PPP2R3B: variants seen among roughly 807,000 people sequenced by gnomAD.
PPP2R3B encodes the protein serine/threonine-protein phosphatase 2A regulatory subunit B'' subunit beta.
In PPP2R3B, 68 loss-of-function variants were observed where a neutral mutation model predicts 72.9. The observed-to-expected ratio is 0.93, with a 90% CI of 0.77 to 1.14. The LOEUF is 1.14. Ranked by LOEUF, PPP2R3B falls within the 50% of genes most tolerant of loss-of-function variation. PPP2R3B has a pLI of 0.00. For missense variants in PPP2R3B, 1,018 were observed against 842.0 expected (o/e 1.21, Z -2.59); for synonymous variants, 466 against 375.8 (o/e 1.24, Z -2.78).
intron 2 of PPP2R3B, among the ~76,000 whole-genome samples, chrX:352,274 C>T (rs1357624022): frequency 2.0e-5 from 3 of 152,340 alleles, no homozygotes; most frequent in East Asian, 1.9e-4. Flanking sequence ...ACAGAAAGAC[C>T]GACTCCTTGT....
chrX:361,268 C>G, intron 2 of PPP2R3B, 137 bp downstream of exon 2: 1 of 954,572 alleles, frequency 1.0e-6, no homozygotes, highest in Admixed American at 2.4e-5. Flanking sequence ...CTCCCGCACA[C>G]GTGTGAAACG....
At chrX:346,104 A>AGG (rs2071203934) in intron 6 of PPP2R3B, 70 bp downstream of exon 6, 43 of 866,670 alleles carry the variant, frequency 5.0e-5, no homozygotes, top group East Asian at 1.6e-4. Context: ...GGGAGGAGGG[A>AGG]AGGGAAGGGA....
intron 6 of PPP2R3B, 80 bp downstream of exon 6, chrX:346,094 G>A: frequency 9.4e-6 from 6 of 635,494 alleles, no homozygotes; most frequent in African/African-American, 4.6e-5. Context: ...GGAGGGAGGG[G>A]GGAGGAGGGA....
intron 8 of PPP2R3B, 102 bp from the exon 9 acceptor site, chrX:341,498 G>C (rs1458301072): frequency 2.4e-5 from 23 of 975,560 alleles, no homozygotes; most frequent in Non-Finnish European, 3.1e-6. Flanking sequence ...AGCCCCCCGG[G>C]CCCGGCCCTC....
chrX:346,431 G>C (rs1228996276), intron 5 of PPP2R3B, 171 bp from the exon 6 acceptor site: 6 of 675,562 alleles, frequency 8.9e-6, no homozygotes, highest in Non-Finnish European at 1.4e-5. Context: ...GCCCCAGGCC[G>C]CGGAAAGCGG....
At chrX:383,786 C>T (rs1438625610) in intron 1 of PPP2R3B, among the ~76,000 whole-genome samples, 3 of 128,460 alleles carry the variant, frequency 2.3e-5, no homozygotes, top group African/African-American at 8.6e-5. Flanking sequence ...TGCAGTGAGC[C>T]GAGATCGCGC....
intron 1 of PPP2R3B, among the ~76,000 whole-genome samples, chrX:368,301 G>C (rs1383216575): frequency 6.2e-5 from 8 of 129,868 alleles, no homozygotes; most frequent in African/African-American, 1.5e-4. Context: ...GGCACCGACG[G>C]GGGGAAGGCC....
chrX:347,060 A>G (rs1439491563), intron 4 of PPP2R3B, among the ~76,000 whole-genome samples, 174 bp downstream of exon 4: 1 of 142,586 alleles, frequency 7.0e-6, no homozygotes, highest in Non-Finnish European at 1.5e-5. Flanking sequence ...CCCATGAGGG[A>G]TGAGGCATGT....
rs2071138766 is a variant in PPP2R3B, at chrX:344,089, C to CGCCAACGGGAGGCGGGAGGGAGACG, written c.1036+1426_1036+1427insCGTCTCCCTCCCGCCTCCCGTTGGC. Among the ~76,000 whole-genome samples, 2 of 23,870 alleles carry CGCCAACGGGAGGCGGGAGGGAGACG rather than the reference C, an allele frequency of 8.4e-5. 1 individual carries two copies. Among genetic ancestry groups the CGCCAACGGGAGGCGGGAGGGAGACG allele is most frequent in the African/African-American group, 3.9e-4 (2 of 5,068 alleles). 15.7% of individuals were successfully genotyped at this position (23,870 alleles called of 152,430 possible). Reference sequence around the variant, plus strand: ...CGCCAACGGGAGGCGGGAGGGAGACCTCACCAACGGGAGGCGGGAGTGAGA... The same window carrying CGCCAACGGGAGGCGGGAGGGAGACG: ...CGCCAACGGGAGGCGGGAGGGAGACCGCCAACGGGAGGCGGGAGGGAGACGTCACCAACGGGAGGCGGGAGTGAGA... On this transcript the variant is annotated intron_variant, in intron 7 of 12. Coordinates refer to ENST00000390665, the MANE Select transcript of PPP2R3B (RefSeq NM_013239.5).
chrX:354,198 C>T (rs2071394484), intron 2 of PPP2R3B, among the ~76,000 whole-genome samples: 1 of 147,368 alleles, frequency 6.8e-6, no homozygotes, highest in Non-Finnish European at 1.5e-5. Context: ...ACCGGGGGCT[C>T]ACCCAGGGAC....
chrX:345,916 C>T (rs2071195133), intron 6 of PPP2R3B, among the ~76,000 whole-genome samples: 1 of 146,148 alleles, frequency 6.8e-6, no homozygotes, highest in Admixed American at 6.7e-5. Context: ...AGTCAGGGCT[C>T]GGCTCCCCCT....
intron 9 of PPP2R3B, 71 bp from the exon 10 acceptor site, chrX:341,011 A>AGCCCCTGGGGCT: frequency 6.4e-7 from 1 of 1,558,724 alleles, no homozygotes; most frequent in Non-Finnish European, 8.7e-7. Context: ...CCCCTGAGGC[A>AGCCCCTGGGGCT]GCCCCCACCG....
At chrX:339,274 G>GGGT (rs1556105619) in intron 10 of PPP2R3B, among the ~76,000 whole-genome samples, 5 of 150,164 alleles carry the variant, frequency 3.3e-5, no homozygotes, top group Non-Finnish European at 5.9e-5. Context: ...CCCATGGCCG[G>GGGT]GGGGGGCAGG....
At chrX:360,920 G>A (rs966863996) in intron 2 of PPP2R3B, among the ~76,000 whole-genome samples, 21 of 152,180 alleles carry the variant, frequency 1.4e-4, no homozygotes, top group African/African-American at 4.1e-4. Flanking sequence ...TGCACGCCGC[G>A]CCGCAGCACT....
rs757517657 is a variant in PPP2R3B, at chrX:340,659, G to A, written c.1351+106C>T. The A allele has an allele frequency of 9.0e-6, 9 of 1,004,302 alleles. 1 individual carries two copies. Among genetic ancestry groups the A allele is most frequent in the Admixed American group, 2.6e-5 (1 of 39,008 alleles). 62.2% of individuals were successfully genotyped at this position (1,004,302 alleles called of 1,614,324 possible). On this transcript the variant is annotated intron_variant, in intron 10 of 12. Coordinates refer to ENST00000390665, the MANE Select transcript of PPP2R3B (RefSeq NM_013239.5). The stretch of plus-strand genomic sequence containing the variant: ...GTCCCCTCTCCCTGGGCTGTCATCC[G>A]TCCCCTCTCCCTGGGCCGTCCTCTC...
rs1569397711 is a variant in PPP2R3B at position 356,822 on chromosome X, CGGGAGCCCCACG to C, written c.510+4571_510+4582del. 4.9e-3 allele frequency among the ~76,000 whole-genome samples: 391 copies of C among 79,852 alleles called. 1 individual carries two copies. The highest frequency in any genetic ancestry group is 0.011 in the East Asian group (23 of 2,002). The allele number at this position is 79,852 out of a possible 152,430, so 52.4% of individuals were successfully genotyped here. A position where few individuals can be genotyped will look rare whatever the true frequency, so the allele number is the denominator to read the frequency against. On this transcript the variant is annotated intron_variant, in intron 2 of 12. Transcript: ENST00000390665. ...AGTATCCACACCCTGGCCAGCCACA[CGGGAGCCCCACG>C]GTAACCACGCCTTGGCCAGCCACAC...
At chrX:366,978 A>G (rs1166700454) in intron 1 of PPP2R3B, among the ~76,000 whole-genome samples, 1 of 151,894 alleles carries the variant, frequency 6.6e-6, no homozygotes, top group Non-Finnish European at 1.5e-5. Flanking sequence ...CGGTGAGCTG[A>G]GGTCGCACCA....
rs1263094278 is a variant in PPP2R3B at position 334,156 on chromosome X, C to G, written c.*211G>C. ...TGTCCGTGTGGGAACCCGTCCCATT[C>G]ACGCGCGGCCCTACGTGTCCCCCTG... On this transcript the variant is annotated 3_prime_UTR_variant, in exon 13 of 13. Transcript: ENST00000390665. The G allele has an allele frequency of 8.4e-6, 4 of 478,164 alleles. No homozygotes were observed. The highest frequency in any genetic ancestry group is 1.4e-5 in the Non-Finnish European group (4 of 288,626). The allele number at this position is 478,164 out of a possible 1,614,324, so 29.6% of individuals were successfully genotyped here. A position where few individuals can be genotyped will look rare whatever the true frequency, so the allele number is the denominator to read the frequency against.
rs111597372 is a variant in PPP2R3B at position 367,675 on chromosome X, G to A, written c.325-6085C>T. On this transcript the variant is annotated intron_variant, in intron 1 of 12. Coordinates refer to ENST00000390665, the MANE Select transcript of PPP2R3B (RefSeq NM_013239.5). ...AGGAGACAGAGGTGCAGGATGAGAC[G>A]GTCACAGTCCATCACACGGATGAGC... Among the ~76,000 whole-genome samples the A allele has an allele frequency of 4.0e-3, 603 of 152,248 alleles. 6 individuals carry two copies. The highest frequency in any genetic ancestry group is 0.014 in the African/African-American group (575 of 41,544).
Sources: allele counts gnomAD v4.1 joint callset (sites outside exome capture counted in the v4.1 genomes callset), GRCh38; gene constraint gnomAD v4.1.1; transcripts MANE v1.5; gene names NCBI Gene and HGNC (gene_info 2026-07-23, HGNC 2026-07-21).